MYRIP: variants seen among roughly 807,000 people sequenced by gnomAD.
The protein encoded by MYRIP is myosin VIIA and Rab interacting protein, also known as rab effector MyRIP.
In MYRIP, 49 loss-of-function variants were observed where a neutral mutation model predicts 98.0. The observed-to-expected ratio is 0.50, with a 90% CI of 0.40 to 0.63. The LOEUF is 0.63. Ranked by LOEUF, MYRIP falls within the 30% of genes least tolerant of loss-of-function variation. MYRIP has a pLI of 0.00. For missense variants in MYRIP, 1,004 were observed against 1,058.2 expected (o/e 0.95, Z 0.71); for synonymous variants, 404 against 409.5 (o/e 0.99, Z 0.16).
rs1459974020 is a variant in MYRIP at position 39,888,101 on chromosome 3, T to G, written c.-30-12686T>G. Among the ~76,000 whole-genome samples, 1,222 of 151,482 alleles carry G rather than the reference T, an allele frequency of 8.1e-3. 12 individuals are homozygous for G. Among genetic ancestry groups the G allele is most frequent in the African/African-American group, 0.028 (1,127 of 40,968 alleles). On this transcript the variant is annotated intron_variant, in intron 1 of 16. Coordinates refer to ENST00000302541, the MANE Select transcript of MYRIP (RefSeq NM_015460.4). ...TCAATATCGTGAAAATGGCCATACT[T>G]CCCAAGGTAATTTACAGATTCAATG...
chr3:39,999,947 G>A lies in MYRIP; in HGVS notation c.111-44103G>A, dbSNP rs559795326. The stretch of plus-strand genomic sequence containing the variant: ...AAGGACAAAAAACCAAACACTGCAT[G>A]TTCTCACTCATAGGTGGGAATTGAA... On this transcript the variant is annotated intron_variant, in intron 2 of 16. Transcript: ENST00000302541. Among the ~76,000 whole-genome samples, 8 of 149,348 alleles carry A rather than the reference G, an allele frequency of 5.4e-5. No homozygotes were observed. In the East Asian group the frequency reaches 6.0e-4, roughly 11 times the overall value.
At chr3:40,176,453 A>C (rs151124619) in intron 8 of MYRIP, among the ~76,000 whole-genome samples, 15 of 152,226 alleles carry the variant, frequency 9.9e-5, no homozygotes, top group African/African-American at 3.6e-4. Flanking sequence ...AAACAGCATA[A>C]AAGCAGAAAT....
At chr3:40,247,748 T>C (rs1343773281) in intron 13 of MYRIP, among the ~76,000 whole-genome samples, 1 of 152,228 alleles carries the variant, frequency 6.6e-6, no homozygotes, top group Non-Finnish European at 1.5e-5. Flanking sequence ...GGTCTCAAAC[T>C]CCTGACCTCA....
At chr3:39,903,705 C>G (rs1469394788) in intron 2 of MYRIP, among the ~76,000 whole-genome samples, 1 of 152,204 alleles carries the variant, frequency 6.6e-6, no homozygotes. Context: ...ACTAAAGTCA[C>G]TATAATGTTA....
At chr3:39,994,148 GAGGTACTGGGTT>G (rs1352184298) in intron 2 of MYRIP, among the ~76,000 whole-genome samples, 1 of 152,212 alleles carries the variant, frequency 6.6e-6, no homozygotes, top group Non-Finnish European at 1.5e-5. Flanking sequence ...ATTTCCAACT[GAGGTACTGGGTT>G]CATCTCACTG....
In MYRIP at chr3:40,037,068, A is replaced by G. The variant is rs987414519; in HGVS notation, c.111-6982A>G. On this transcript the variant is annotated intron_variant, in intron 2 of 16. Transcript: ENST00000302541. Reference sequence around the variant, plus strand: ...TAGGAAGAAACAGAAAAGGCATGGTAGATAGAAAATAAAACACAGCATAGT... The same window carrying G: ...TAGGAAGAAACAGAAAAGGCATGGTGGATAGAAAATAAAACACAGCATAGT... Among the ~76,000 whole-genome samples the G allele has an allele frequency of 3.9e-5, 6 of 152,288 alleles. No individual in the cohort carries two copies. In the East Asian group the frequency reaches 1.2e-3, roughly 29 times the overall value.
chr3:40,028,153 G>A (rs541033819), intron 2 of MYRIP, among the ~76,000 whole-genome samples: 16 of 152,194 alleles, frequency 1.1e-4, no homozygotes, highest in Non-Finnish European at 1.6e-4. Flanking sequence ...CTCTCAACAC[G>A]GAATGCTTTA....
intron 2 of MYRIP, among the ~76,000 whole-genome samples, chr3:39,942,984 G>C (rs1944824570): frequency 1.3e-5 from 2 of 152,140 alleles, no homozygotes; most frequent in South Asian, 2.1e-4. Context: ...AAATGAGATA[G>C]TTGTTTTCTC....
At chr3:39,931,028 G>A (rs2125699829) in intron 2 of MYRIP, among the ~76,000 whole-genome samples, 1 of 152,012 alleles carries the variant, frequency 6.6e-6, no homozygotes, top group South Asian at 2.1e-4. Flanking sequence ...TGAATTTTAG[G>A]ATAAGTTTAT....
intron 3 of MYRIP, among the ~76,000 whole-genome samples, chr3:40,046,350 T>G (rs1947667898): frequency 6.6e-6 from 1 of 151,800 alleles, no homozygotes. Context: ...TACCAACTGG[T>G]GGTAAACACC....
At chr3:40,182,091 G>A (rs1250462798) in intron 8 of MYRIP, 129 bp from the exon 9 acceptor site, 5 of 1,020,678 alleles carry the variant, frequency 4.9e-6, no homozygotes, top group Non-Finnish European at 6.9e-6. Context: ...TAAGGCTCAC[G>A]TGAAAAGAGC....
chr3:40,056,781 A>G (rs552073211), intron 3 of MYRIP, among the ~76,000 whole-genome samples: 1 of 152,196 alleles, frequency 6.6e-6, no homozygotes, highest in Non-Finnish European at 1.5e-5. Flanking sequence ...TTAAAAATCC[A>G]TAGCGCATTA....
chr3:39,946,429 T>C (rs1575403307), intron 2 of MYRIP, among the ~76,000 whole-genome samples: 2 of 152,194 alleles, frequency 1.3e-5, no homozygotes, highest in Non-Finnish European at 2.9e-5. Context: ...AAAGGAAAAT[T>C]ATCCAGATGG....
chr3:40,174,975 C>G (rs1271474035), intron 8 of MYRIP, among the ~76,000 whole-genome samples: 1 of 152,016 alleles, frequency 6.6e-6, no homozygotes, highest in Non-Finnish European at 1.5e-5. Flanking sequence ...AACCCCATCT[C>G]TATTAAAAAC....
At chr3:40,215,902 C>T (rs1404088670) in intron 11 of MYRIP, among the ~76,000 whole-genome samples, 2 of 152,218 alleles carry the variant, frequency 1.3e-5, no homozygotes, top group Non-Finnish European at 2.9e-5. Context: ...GAAGCTTTAG[C>T]TGTCCACTTA....
chr3:40,242,394 TG>T (rs1040729441), intron 12 of MYRIP: 2 of 152,030 alleles, frequency 1.3e-5, no homozygotes, highest in African/African-American at 2.4e-5. Flanking sequence ...TTCTGCCTCC[TG>T]GTGCCAGGAA....
intron 3 of MYRIP, among the ~76,000 whole-genome samples, chr3:40,129,391 A>T (rs1473449448): frequency 7.3e-6 from 1 of 136,874 alleles, no homozygotes; most frequent in African/African-American, 2.7e-5. Context: ...CAGTGAGCCG[A>T]GATAAAACCA....
intron 2 of MYRIP, among the ~76,000 whole-genome samples, chr3:39,986,453 TCC>T (rs796346201): frequency 0.032 from 4,357 of 135,316 alleles, 192 homozygotes; most frequent in African/African-American, 0.13. Context: ...CCTCTCTCTC[TCC>T]CTCTCTCTCT....
In MYRIP at chr3:40,199,279, A is replaced by T. The variant is rs77909165; in HGVS notation, c.1665+8816A>T. 9.7e-3 allele frequency among the ~76,000 whole-genome samples: 1,479 copies of T among 152,232 alleles called. 28 individuals carry two copies. The highest frequency in any genetic ancestry group is 0.034 in the African/African-American group (1,429 of 41,522). On this transcript the variant is annotated intron_variant, in intron 10 of 16. Transcript: ENST00000302541. The stretch of plus-strand genomic sequence containing the variant: ...CACACTCTGGGGGTTGCTTCTCATA[A>T]TGTCACTCAATGTTGGCCAATCCTT...
Sources: allele counts gnomAD v4.1 joint callset (sites outside exome capture counted in the v4.1 genomes callset), GRCh38; gene constraint gnomAD v4.1.1; transcripts MANE v1.5; gene names NCBI Gene and HGNC (gene_info 2026-07-23, HGNC 2026-07-21).